Variants in MXRA8 observed in about 807,000 individuals in gnomAD.
The protein encoded by MXRA8 is matrix remodeling associated 8.
Under a neutral mutation model 51.4 loss-of-function variants are expected in MXRA8, and 44 were observed. That is an observed-to-expected ratio of 0.86 (90% confidence interval 0.67 to 1.10). The LOEUF (loss-of-function observed/expected upper bound fraction) is 1.10, where lower values mean the gene tolerates loss of function less well. Among genes scored for constraint, MXRA8 ranks in the 50% least tolerant of loss-of-function variants. MXRA8 has a pLI of 0.00. For synonymous variants in MXRA8, 369 were observed against 293.5 expected (o/e 1.26, Z -2.63); for missense variants, 765 against 638.9 (o/e 1.20, Z -2.13).
At chr1:1,355,878 A>C in intron 2 of MXRA8, 126 bp from the exon 3 acceptor site, 1 of 350,478 alleles carries the variant, frequency 2.9e-6, no homozygotes, top group Non-Finnish European at 3.5e-6. Context: ...GCAGGACCAG[A>C]GGGCCCTGGT....
Position 1,353,708 on chromosome 1 carries a change from G to A in MXRA8, c.1304-79C>T, listed in dbSNP as rs1208601811. 4.7e-6 allele frequency: 7 copies of A among 1,489,998 alleles called. No individual in the cohort carries two copies. In the Admixed American group the frequency reaches 6.3e-5, roughly 13 times the overall value. The allele number at this position is 1,489,998 out of a possible 1,614,324, so 92.3% of individuals were successfully genotyped here. On this transcript the variant is annotated intron_variant, in intron 9 of 9. Coordinates refer to ENST00000309212, the MANE Select transcript of MXRA8 (RefSeq NM_032348.4). ...TGGGAGACACAGGGCAGACCCCCCC[G>A]CAGGACTCCCCAGGGATTTCTGAGC... is the stretch of plus-strand genomic sequence containing the variant.
upstream of MXRA8, among the ~76,000 whole-genome samples, chr1:1,360,517 A>G (rs1424460715): frequency 1.8e-5 from 1 of 55,860 alleles, no homozygotes; most frequent in Non-Finnish European, 4.2e-5. Flanking sequence ...TGGTCTGCAG[A>G]GCTGTGGGTG....
chr1:1,353,858 G>A lies in MXRA8; in HGVS notation c.1293C>T (p.Asp431=), dbSNP rs1644056020. The A allele has an allele frequency of 1.9e-6, 3 of 1,599,558 alleles. No homozygotes were observed. Among genetic ancestry groups the A allele is most frequent in the Non-Finnish European group, 2.6e-6 (3 of 1,173,108 alleles). Residue 431 remains aspartate, a synonymous_variant, in exon 9 of 10, where the codon GAC becomes GAT. Transcript: ENST00000309212. The stretch of plus-strand genomic sequence containing the variant: ...GCCCCCGCCGCTCACCTTTGTCTAG[G>A]TCGATGTACTTGGCAGGCAGGGGGC... The part of the protein sequence containing the change: ...AHSPLPAKYI[D]LDKGFRKENC...
upstream of MXRA8, chr1:1,361,836 A>G (rs2649611): frequency 0.94 from 150,494 of 160,140 alleles, 70,845 homozygotes; most frequent in African/African-American, 0.98. Flanking sequence ...AGGCTTCGGC[A>G]CCAGGAACCC....
chr1:1,354,261 T>C (rs1644069681), intron 6 of MXRA8, 29 bp from the exon 7 acceptor site: 1 of 1,608,956 alleles, frequency 6.2e-7, no homozygotes, highest in Non-Finnish European at 8.5e-7. Flanking sequence ...TTGGGGGCAG[T>C]GCCGCCCCTT....
rs1644100953 is a variant in MXRA8, at chr1:1,355,302, G to A, written c.420C>T (p.His140=). 1 of 1,580,792 alleles carries A rather than the reference G, an allele frequency of 6.3e-7. No individual in the cohort carries two copies. Among genetic ancestry groups the A allele is most frequent in the Non-Finnish European group, 8.6e-7 (1 of 1,166,828 alleles). Residue 140 remains histidine, a synonymous_variant, in exon 4 of 10, where the codon CAC becomes CAT. Transcript: ENST00000309212. ...TCTCGTAGAGGTGGCAGTAGTGATG[G>A]TGCAGGTTGCAGGTGTACAGCCCCG... is the stretch of plus-strand genomic sequence containing the variant. ...TDAGLYTCNL[H]HHYCHLYESL...
At chr1:1,362,779 T>C (rs1569821088), upstream of MXRA8, among the ~76,000 whole-genome samples, 1 of 10,556 alleles carries the variant, frequency 9.5e-5, no homozygotes, top group Non-Finnish European at 2.7e-4. Context: ...AGACTCCATC[T>C]CAAAAAAAAA....
chr1:1,356,741 A>G (rs1302368211), intron 1 of MXRA8, 37 bp from the exon 2 acceptor site: 1 of 1,357,370 alleles, frequency 7.4e-7, no homozygotes. Flanking sequence ...GGCCACCCAC[A>G]GCCCCACCCA....
rs778001181 is a variant in MXRA8 at position 1,354,358 on chromosome 1, G to C, written c.1101C>G (p.Arg367=). 1.2e-5 allele frequency: 19 copies of C among 1,610,248 alleles called. No individual in the cohort carries two copies. In the South Asian group the frequency reaches 1.5e-4, roughly 13 times the overall value. ...VTVLLAARRR[R]GGYEYSDQKS... ...GCTTTGCCGGGGCAGCCTCACCTCC[G>C]CGGCGCCTGCGGGCGGCCAGGAGGA... The change falls in exon 6 of 10, where the codon CGC becomes CGG. Residue 367 remains arginine (R), a synonymous_variant. Coordinates refer to ENST00000309212, the MANE Select transcript of MXRA8 (RefSeq NM_032348.4).
upstream of MXRA8, chr1:1,361,268 G>A (rs1483886741): frequency 7.1e-6 from 5 of 703,394 alleles, no homozygotes; most frequent in Non-Finnish European, 7.8e-6. Flanking sequence ...GATCATCGAT[G>A]GCTGAAGAGT....
At position 1,353,305 on chromosome 1, in the gene MXRA8, GC is replaced by G. The variant is rs368856438; in HGVS notation, c.*298del. On this transcript the variant is annotated 3_prime_UTR_variant, in exon 10 of 10. Coordinates refer to ENST00000309212, the MANE Select transcript of MXRA8 (RefSeq NM_032348.4). ...GAGTGTCCTCCAGGAATGTCTTCAG[GC>G]CCCCAGCGGGCAGAGCCCAGAAGGG... is the stretch of plus-strand genomic sequence containing the variant. 5.2e-6 allele frequency: 8 copies of G among 1,549,388 alleles called. No homozygotes were observed. The highest frequency in any genetic ancestry group is 3.9e-5 in the Admixed American group (2 of 50,886).
chr1:1,353,771 C>A, intron 9 of MXRA8, 77 bp downstream of exon 9: 1 of 1,484,638 alleles, frequency 6.7e-7, no homozygotes, highest in Admixed American at 2.3e-5. Flanking sequence ...CTGGTGCCTG[C>A]CATCGTTGGT....
At chr1:1,356,929 T>TGGGCCA (rs1195874654) in intron 1 of MXRA8, among the ~76,000 whole-genome samples, 2 of 152,234 alleles carry the variant, frequency 1.3e-5, no homozygotes, top group Non-Finnish European at 2.9e-5. Context: ...GGCATGGGCG[T>TGGGCCA]GGGCCAGGGC....
chr1:1,355,441 TC>T lies in MXRA8; in HGVS notation c.376+8del, dbSNP rs1426701315. On this transcript the variant is annotated splice_region_variant and intron_variant, in intron 3 of 9. Transcript: ENST00000309212. ...CCGACCCCGCGGCCCCGGTCCCCGG[TC>T]CCCGCACCGCGGATGAGCAGCGAGA... is the stretch of plus-strand genomic sequence containing the variant. 1 of 1,490,860 alleles carries T rather than the reference TC, an allele frequency of 6.7e-7. No individual in the cohort carries two copies. The highest frequency in any genetic ancestry group is 2.8e-5 in the East Asian group (1 of 35,944). The allele number at this position is 1,490,860 out of a possible 1,614,324, so 92.4% of individuals were successfully genotyped here.
chr1:1,360,386 C>T (rs1182291315), upstream of MXRA8, among the ~76,000 whole-genome samples: 1 of 152,116 alleles, frequency 6.6e-6, no homozygotes, highest in Non-Finnish European at 1.5e-5. Flanking sequence ...CAGTGGGAAA[C>T]AGCCACAGAG....
At position 1,354,368 on chromosome 1, in the gene MXRA8, C is replaced by G. The variant is rs1173891703; in HGVS notation, c.1091G>C (p.Arg364Pro). 1.2e-6 allele frequency: 2 copies of G among 1,611,146 alleles called. No individual in the cohort carries two copies. The highest frequency in any genetic ancestry group is 1.7e-6 in the Non-Finnish European group (2 of 1,179,308). The change falls in exon 6 of 10, where the codon CGC (arginine) becomes CCC (proline). Residue 364 changes from arginine to proline, a missense_variant. Transcript: ENST00000309212. ...LLLVTVLLAA[R>P]RRRGGYEYSD... ...GGCAGCCTCACCTCCGCGGCGCCTG[C>G]GGGCGGCCAGGAGGACAGTGACCAG...
intron 1 of MXRA8, among the ~76,000 whole-genome samples, chr1:1,358,092 C>T (rs140427603): frequency 0.01 from 1,533 of 152,270 alleles, 9 homozygotes; most frequent in Non-Finnish European, 0.014. Context: ...GGCCTGGGAG[C>T]GGGGGCTGGA....
At chr1:1,361,133 G>T (rs974362787), upstream of MXRA8, 2 of 697,566 alleles carry the variant, frequency 2.9e-6, no homozygotes, top group Non-Finnish European at 5.2e-6. Flanking sequence ...GAAGACACAC[G>T]GACACACAGA....
At chr1:1,359,365 A>G, upstream of MXRA8, 1 of 985,438 alleles carries the variant, frequency 1.0e-6, no homozygotes, top group Non-Finnish European at 1.2e-6. Context: ...CTGTGGGAAA[A>G]CTTACAAAGT....
Sources: gnomAD v4.1 joint callset for allele counts (sites outside exome capture counted in the v4.1 genomes callset) on GRCh38, gnomAD v4.1.1 for gene constraint, MANE v1.5 for transcripts, NCBI Gene and HGNC (gene_info 2026-07-23, HGNC 2026-07-21) for gene names.